The following PCDH11Y variants were observed in gnomAD, a reference collection of about 807,000 sequenced individuals.
PCDH11Y encodes the protein protocadherin-11 Y-linked.
For synonymous variants in PCDH11Y, 9 were observed against 83.6 expected (o/e 0.11, Z 4.87); for missense variants, 12 against 224.8 (o/e 0.05, Z 6.05).
At chrY:5,437,678 T>A (rs2053276665) in intron 2 of PCDH11Y, among the ~76,000 whole-genome samples, 1 of 32,815 alleles carries the variant, frequency 3.0e-5, no homozygotes, top group Non-Finnish European at 7.5e-5. Context: ...TCTTTTTTTT[T>A]AATTTAATTT....
chrY:5,452,020 C>T (rs2053293605), intron 2 of PCDH11Y, among the ~76,000 whole-genome samples: 1 of 33,548 alleles, frequency 3.0e-5, no homozygotes, highest in Non-Finnish European at 7.4e-5. Flanking sequence ...TAAAGTCCAA[C>T]AGCTTTTAAT....
intron 2 of PCDH11Y, among the ~76,000 whole-genome samples, chrY:5,313,310 C>T (rs1602903028): frequency 3.0e-5 from 1 of 33,445 alleles, no homozygotes; most frequent in Non-Finnish European, 7.4e-5. Context: ...CTGTAAAGTA[C>T]GTTTCTTTCT....
At chrY:5,172,847 A>AG (rs2052888370) in intron 2 of PCDH11Y, among the ~76,000 whole-genome samples, 2 of 32,126 alleles carry the variant, frequency 6.2e-5, no homozygotes, top group Non-Finnish European at 1.5e-4. Flanking sequence ...GCAGATATAG[A>AG]GGGAAAAAAA....
At chrY:5,185,369 A>G in intron 2 of PCDH11Y, among the ~76,000 whole-genome samples, 1 of 32,865 alleles carries the variant, frequency 3.0e-5, no homozygotes, top group Admixed American at 2.8e-4. Flanking sequence ...ATGAGCCACC[A>G]CACCTGGCCA....
chrY:5,385,000 C>G, intron 2 of PCDH11Y, among the ~76,000 whole-genome samples: 2 of 30,674 alleles, frequency 6.5e-5, no homozygotes, highest in African/African-American at 1.3e-4. Flanking sequence ...CTACTGGGGC[C>G]TTAGTGCAGG....
At chrY:5,054,718 A>T, upstream of PCDH11Y, among the ~76,000 whole-genome samples, 1 of 33,075 alleles carries the variant, frequency 3.0e-5, no homozygotes, top group Non-Finnish European at 7.4e-5. Context: ...TGCTAGATTC[A>T]CAGCATATAG....
chrY:5,009,770 G>T (rs2052545019), intron 1 of PCDH11Y, among the ~76,000 whole-genome samples: 1 of 33,527 alleles, frequency 3.0e-5, no homozygotes, highest in South Asian at 6.6e-4. Context: ...GAGGAGAAAG[G>T]AAATCAAATA....
At chrY:5,688,124 G>T in intron 4 of PCDH11Y, among the ~76,000 whole-genome samples, 2 of 33,393 alleles carry the variant, frequency 6.0e-5, no homozygotes, top group Non-Finnish European at 1.5e-4. Flanking sequence ...TTACATAATA[G>T]AAATATTTTT....
intron 1 of PCDH11Y, among the ~76,000 whole-genome samples, chrY:5,090,305 C>T (rs2124633672): frequency 3.0e-5 from 1 of 33,156 alleles, no homozygotes; most frequent in Non-Finnish European, 7.5e-5. Flanking sequence ...TTACAATGTT[C>T]TTAAAGGACC....
intron 2 of PCDH11Y, among the ~76,000 whole-genome samples, chrY:5,152,616 T>TA (rs2052865114): frequency 3.0e-5 from 1 of 33,055 alleles, no homozygotes; most frequent in Non-Finnish European, 7.5e-5. Flanking sequence ...AATGAAGTAA[T>TA]AAATTTAAAG....
At chrY:5,172,261 C>G (rs2052887727) in intron 2 of PCDH11Y, among the ~76,000 whole-genome samples, 1 of 31,773 alleles carries the variant, frequency 3.1e-5, no homozygotes, top group Non-Finnish European at 7.7e-5. Flanking sequence ...ACATTGATAT[C>G]CAAGGAGCAG....
intron 1 of PCDH11Y, among the ~76,000 whole-genome samples, chrY:5,010,130 C>A (rs2124617965): frequency 3.5e-5 from 1 of 28,690 alleles, no homozygotes; most frequent in South Asian, 8.8e-4. Flanking sequence ...TCCCTTGAAC[C>A]CGCGAGGCGG....
chrY:5,040,829 C>T (rs2052606361), intron 3 of PCDH11Y, among the ~76,000 whole-genome samples: 1 of 31,901 alleles, frequency 3.1e-5, no homozygotes, highest in African/African-American at 1.2e-4. Flanking sequence ...TCCTAAGAAC[C>T]ACTTAGTATA....
intron 4 of PCDH11Y, among the ~76,000 whole-genome samples, chrY:5,639,460 G>A (rs2053521161): frequency 3.2e-5 from 1 of 31,649 alleles, no homozygotes. Context: ...TAAAAATTGT[G>A]TTTACATTAA....
intron 2 of PCDH11Y, among the ~76,000 whole-genome samples, chrY:5,118,512 G>GC (rs2052814299): frequency 3.1e-5 from 1 of 32,098 alleles, no homozygotes; most frequent in Non-Finnish European, 7.6e-5. Flanking sequence ...CTGGGAGTGA[G>GC]CCACCGCACC....
intron 2 of PCDH11Y, among the ~76,000 whole-genome samples, chrY:5,146,361 A>C: frequency 3.0e-5 from 1 of 32,931 alleles, no homozygotes; most frequent in African/African-American, 1.2e-4. Flanking sequence ...CTTTTGCAGC[A>C]TATAACCAAC....
At chrY:5,123,241 C>T in intron 2 of PCDH11Y, among the ~76,000 whole-genome samples, 1 of 32,208 alleles carries the variant, frequency 3.1e-5, no homozygotes, top group Non-Finnish European at 7.5e-5. Flanking sequence ...TAATGTCAAA[C>T]TCCCAGGTTT....
At chrY:5,139,073 A>G (rs2052844696) in intron 2 of PCDH11Y, among the ~76,000 whole-genome samples, 1 of 33,893 alleles carries the variant, frequency 3.0e-5, no homozygotes, top group African/African-American at 1.2e-4. Flanking sequence ...CCAATGATGC[A>G]GGGATGGTTT....
At chrY:5,418,815 G>C in intron 2 of PCDH11Y, among the ~76,000 whole-genome samples, 1 of 33,034 alleles carries the variant, frequency 3.0e-5, no homozygotes, top group East Asian at 8.0e-4. Context: ...AAGTAAAATA[G>C]ACAATATTGT....
Sources: allele counts gnomAD v4.1 joint callset (sites outside exome capture counted in the v4.1 genomes callset), GRCh38; gene constraint gnomAD v4.1.1; transcripts MANE v1.5; gene names NCBI Gene and HGNC (gene_info 2026-07-23, HGNC 2026-07-21).